The following ARHGAP31 variants were observed in gnomAD, a reference collection of about 807,000 sequenced individuals.
ARHGAP31 encodes the protein Rho GTPase activating protein 31, also known as rho GTPase-activating protein 31.
ARHGAP31 carries 34 observed loss-of-function variants against 113.9 expected under a neutral mutation model. That is an observed-to-expected ratio of 0.30 (90% CI 0.23 to 0.40). The LOEUF (loss-of-function observed/expected upper bound fraction) is 0.40. Ranked by LOEUF, ARHGAP31 falls within the 10% of genes least tolerant of loss-of-function variation. The pLI, the probability that ARHGAP31 is intolerant of heterozygous loss-of-function variation, is 1.00. For synonymous variants in ARHGAP31, 650 were observed against 684.8 expected, an observed-to-expected ratio of 0.95 and a Z score of 0.79; for missense variants, 1,548 against 1,767.1, an observed-to-expected ratio of 0.88 and a Z score of 2.22.
chr3:119,323,581 T>G (rs1341457333), intron 1 of ARHGAP31, among the ~76,000 whole-genome samples: 1 of 152,134 alleles, frequency 6.6e-6, no homozygotes, highest in Non-Finnish European at 1.5e-5. Context: ...GCATCCGAAC[T>G]GAGGGACATT....
chr3:119,362,143 A>G (rs992764735), intron 1 of ARHGAP31, among the ~76,000 whole-genome samples: 10 of 152,212 alleles, frequency 6.6e-5, no homozygotes, highest in Non-Finnish European at 1.5e-5. Flanking sequence ...GTTACCCTGT[A>G]CTGCCCCTTT....
intron 1 of ARHGAP31, among the ~76,000 whole-genome samples, chr3:119,309,901 C>G (rs930194568): frequency 6.6e-6 from 1 of 151,816 alleles, no homozygotes; most frequent in Admixed American, 6.5e-5. Flanking sequence ...TAGGTAATGC[C>G]TGTTGTAAAT....
In ARHGAP31 at chr3:119,308,986, C is replaced by T. The variant is rs142370573; in HGVS notation, c.100+13982C>T. On this transcript the variant is annotated intron_variant, in intron 1 of 11. Coordinates refer to ENST00000264245, the MANE Select transcript of ARHGAP31 (RefSeq NM_020754.4). ...CCCCCTAAGAAGCTGGGACTACAGG[C>T]ATGCACCCCCACGCCTGGCTAATTT... is the stretch of plus-strand genomic sequence containing the variant. Among the ~76,000 whole-genome samples the T allele has an allele frequency of 3.8e-3, 573 of 152,188 alleles. 2 individuals are homozygous for T. Among genetic ancestry groups the T allele is most frequent in the Middle Eastern group, 6.8e-3 (2 of 292 alleles).
rs190664988 is a variant in ARHGAP31 at position 119,416,569 on chromosome 3, C to T, written c.*305C>T. On this transcript the variant is annotated 3_prime_UTR_variant, in exon 12 of 12. Coordinates refer to ENST00000264245, the MANE Select transcript of ARHGAP31 (RefSeq NM_020754.4). ...AGCTTGTATGTGAGTCAGATTGCTC[C>T]CCTATTGCTATTATCTATTACTCTT... The T allele has an allele frequency of 2.4e-6, 1 of 421,980 alleles. No homozygotes were observed. The highest frequency in any genetic ancestry group is 5.3e-5 in the East Asian group (1 of 18,968). 26.1% of individuals were successfully genotyped at this position (421,980 alleles called of 1,614,324 possible).
Position 119,294,616 on chromosome 3 carries a change from C to T in ARHGAP31, c.-289C>T, listed in dbSNP as rs570660413. 29 of 554,030 alleles carry T rather than the reference C, an allele frequency of 5.2e-5. No homozygotes were observed. The African/African-American group carries it at 5.4e-4, about 10-fold the overall frequency. 34.3% of individuals were successfully genotyped at this position (554,030 alleles called of 1,614,324 possible). ...ACACCGCAGGAGCCTGTGAAAGTCC[C>T]TAGGACTCCAAGTGAGGAAGTGACA... On this transcript the variant is annotated 5_prime_UTR_variant, in exon 1 of 12. Transcript: ENST00000264245.
chr3:119,358,864 A>G (rs1007358136), intron 1 of ARHGAP31, among the ~76,000 whole-genome samples: 1 of 152,196 alleles, frequency 6.6e-6, no homozygotes, highest in African/African-American at 2.4e-5. Context: ...GTAACTACTA[A>G]TGGATATGGG....
At chr3:119,299,884 C>T (rs1487575805) in intron 1 of ARHGAP31, among the ~76,000 whole-genome samples, 1 of 152,182 alleles carries the variant, frequency 6.6e-6, no homozygotes, top group African/African-American at 2.4e-5. Context: ...AAGATTTAAC[C>T]TTGAATGGAG....
chr3:119,394,313 A>G (rs945463227), intron 8 of ARHGAP31, among the ~76,000 whole-genome samples: 1 of 152,076 alleles, frequency 6.6e-6, no homozygotes, highest in Admixed American at 6.6e-5. Context: ...CTAAATGATG[A>G]TTTTCTATTA....
chr3:119,356,261 T>C (rs1307950599), intron 1 of ARHGAP31, among the ~76,000 whole-genome samples: 1 of 152,238 alleles, frequency 6.6e-6, no homozygotes, highest in African/African-American at 2.4e-5. Context: ...TTCTTATGTA[T>C]TCTTCCATAG....
At chr3:119,348,154 C>T (rs2080077289) in intron 1 of ARHGAP31, among the ~76,000 whole-genome samples, 1 of 152,210 alleles carries the variant, frequency 6.6e-6, no homozygotes, top group South Asian at 2.1e-4. Context: ...ATGAACTGCA[C>T]AGGCAATGGA....
chr3:119,357,330 G>T (rs186879676), intron 1 of ARHGAP31, among the ~76,000 whole-genome samples: 1 of 152,146 alleles, frequency 6.6e-6, no homozygotes, highest in African/African-American at 2.4e-5. Context: ...GGAGTATCGG[G>T]TGCAAAGCCA....
intron 1 of ARHGAP31, among the ~76,000 whole-genome samples, chr3:119,347,008 TG>T (rs1439225383): frequency 2.6e-5 from 4 of 152,136 alleles, no homozygotes; most frequent in Admixed American, 2.0e-4. Flanking sequence ...AGTGAATACT[TG>T]GGGGCCGGGA....
intron 1 of ARHGAP31, among the ~76,000 whole-genome samples, chr3:119,335,515 G>C (rs1468748805): frequency 6.6e-6 from 1 of 152,184 alleles, no homozygotes; most frequent in Non-Finnish European, 1.5e-5. Context: ...CTGTGGAAAT[G>C]CGTTCTCCTT....
Position 119,414,744 on chromosome 3 carries a change from T to G in ARHGAP31, c.2815T>G (p.Leu939Val). 1 of 1,614,032 alleles carries G rather than the reference T, an allele frequency of 6.2e-7. No homozygotes were observed. Among genetic ancestry groups the G allele is most frequent in the Non-Finnish European group, 8.5e-7 (1 of 1,180,004 alleles). The part of the protein sequence containing the change: ...AQVQGLQGHQ[L>V]EKRLSHRPSL... ...GGTACAGGGCCTTCAGGGTCACCAGTTGGAGAAGAGGCTTTCCCACAGGCC... is the reference window on the plus strand; with the variant it reads ...GGTACAGGGCCTTCAGGGTCACCAGGTGGAGAAGAGGCTTTCCCACAGGCC... Residue 939 changes from leucine (L) to valine (V), a missense_variant, in exon 12 of 12, where the codon TTG becomes GTG. Leu to Val is a conservative substitution (Grantham distance 32, BLOSUM62 1). Transcript: ENST00000264245.
intron 7 of ARHGAP31, among the ~76,000 whole-genome samples, chr3:119,392,138 T>G (rs568741672): frequency 6.6e-6 from 1 of 152,264 alleles, no homozygotes; most frequent in Admixed American, 6.5e-5. Flanking sequence ...TGCAAAGCTA[T>G]CTCAGATGGA....
At chr3:119,398,229 C>G (rs1245303941) in intron 8 of ARHGAP31, among the ~76,000 whole-genome samples, 1 of 151,768 alleles carries the variant, frequency 6.6e-6, no homozygotes, top group African/African-American at 2.4e-5. Flanking sequence ...GATCACTCTA[C>G]CACACTCCAG....
chr3:119,333,960 C>G (rs989822320), intron 1 of ARHGAP31, among the ~76,000 whole-genome samples: 2 of 152,190 alleles, frequency 1.3e-5, no homozygotes, highest in African/African-American at 4.8e-5. Context: ...TTTGTTATCA[C>G]CAACAGTCTC....
chr3:119,308,919 C>T (rs1384794459), intron 1 of ARHGAP31, among the ~76,000 whole-genome samples: 1 of 152,168 alleles, frequency 6.6e-6, no homozygotes, highest in Non-Finnish European at 1.5e-5. Context: ...TGGCTCACTG[C>T]AGCCTTGACT....
At position 119,321,719 on chromosome 3, in the gene ARHGAP31, G is replaced by A. The variant is rs571632570; in HGVS notation, c.100+26715G>A. On this transcript the variant is annotated intron_variant, in intron 1 of 11. Coordinates refer to ENST00000264245, the MANE Select transcript of ARHGAP31 (RefSeq NM_020754.4). ...GCCAGAGTGCAGTGTCACGATCTCA[G>A]CTCATTGAAGCCTCTACCTCTCGGG... Among the ~76,000 whole-genome samples the A allele has an allele frequency of 2.0e-5, 3 of 152,176 alleles. No homozygotes were observed. In the East Asian group the frequency reaches 5.8e-4, roughly 29 times the overall value.
Sources: allele counts gnomAD v4.1 joint callset (sites outside exome capture counted in the v4.1 genomes callset), GRCh38; gene constraint gnomAD v4.1.1; transcripts MANE v1.5; gene names NCBI Gene and HGNC (gene_info 2026-07-23, HGNC 2026-07-21).